C5orf34: variants seen among roughly 807,000 people sequenced by gnomAD.
C5orf34 encodes the protein uncharacterized protein C5orf34.
Under a neutral mutation model 78.4 loss-of-function variants are expected in C5orf34, and 73 were observed. The observed-to-expected ratio is 0.93, with a 90% CI of 0.77 to 1.13. C5orf34 has a LOEUF of 1.13. Among genes scored for constraint, C5orf34 ranks in the 50% most tolerant of loss-of-function variants. The pLI is 0.00. For synonymous variants in C5orf34, 251 were observed against 246.6 expected (o/e 1.02, Z -0.17); for missense variants, 730 against 732.7 (o/e 1.00, Z 0.04).
chr5:43,494,634 A>G (rs1205145047), intron 6 of C5orf34, 33 bp from the exon 7 acceptor site: 4 of 1,418,884 alleles, frequency 2.8e-6, no homozygotes, highest in East Asian at 2.4e-5. Flanking sequence ...AATTTCATTA[A>G]TAATAAATTT....
intron 5 of C5orf34, 46 bp from the exon 6 acceptor site, chr5:43,502,541 T>A: frequency 8.7e-7 from 1 of 1,150,858 alleles, no homozygotes; most frequent in Non-Finnish European, 1.3e-6. Flanking sequence ...CACTTGAGAT[T>A]AAAACATGCA....
rs2112256583 is a variant in C5orf34 at position 43,486,992 on chromosome 5, T to C, written c.1840A>G (p.Arg614Gly). 6.3e-7 allele frequency: 1 copy of C among 1,590,772 alleles called. No individual in the cohort carries two copies. Among genetic ancestry groups the C allele is most frequent in the Non-Finnish European group, 8.6e-7 (1 of 1,167,864 alleles). ...ETLLGEVNEN[R>G]VSIALKKTSE... is the part of the protein sequence containing the mutation. ...GTTTTTTTCAATGCTATTGATACTC[T>C]ATTTTCATTAACTTCTCCTAGCAAG... The change falls in exon 13 of 13, where the codon AGA becomes GGA. Residue 614 changes from arginine to glycine, a missense_variant. Coordinates refer to ENST00000306862, the MANE Select transcript of C5orf34 (RefSeq NM_198566.4).
chr5:43,505,674 A>T, intron 4 of C5orf34, 74 bp downstream of exon 4: 1 of 1,436,870 alleles, frequency 7.0e-7, no homozygotes, highest in Non-Finnish European at 9.2e-7. Flanking sequence ...ATGGTATCAG[A>T]TAAAAAGAAA....
chr5:43,496,177 G>C (rs1745509532), intron 6 of C5orf34: 1 of 1,539,582 alleles, frequency 6.5e-7, no homozygotes, highest in Non-Finnish European at 8.9e-7. Flanking sequence ...TCTGAGTCCT[G>C]GGGCATCAAT....
chr5:43,490,834 A>G (rs1579853885), intron 10 of C5orf34, 105 bp from the exon 11 acceptor site: 2 of 617,834 alleles, frequency 3.2e-6, no homozygotes, highest in East Asian at 3.1e-5. Context: ...AAGGATAAAG[A>G]AAAAATGTTA....
chr5:43,495,099 C>A, intron 6 of C5orf34: 1 of 1,541,980 alleles, frequency 6.5e-7, no homozygotes, highest in Non-Finnish European at 9.0e-7. Flanking sequence ...GCTGTCTGGG[C>A]AGACTTCGTG....
chr5:43,497,028 A>G (rs1745559664), intron 6 of C5orf34, among the ~76,000 whole-genome samples: 1 of 152,348 alleles, frequency 6.6e-6, no homozygotes, highest in Admixed American at 6.5e-5. Context: ...AGATTTAAAA[A>G]AACTATTTTA....
At chr5:43,514,629 G>A (rs1029046889) in intron 1 of C5orf34, among the ~76,000 whole-genome samples, 177 bp downstream of exon 1, 1 of 152,110 alleles carries the variant, frequency 6.6e-6, no homozygotes, top group African/African-American at 2.4e-5. Context: ...CATCTCTACA[G>A]TCTCATTCCC....
Position 43,506,174 on chromosome 5 carries a change from G to A in C5orf34, c.506C>T (p.Pro169Leu). Residue 169 changes from proline to leucine, a missense_variant, in exon 4 of 13, where the codon CCA becomes CTA. By Grantham distance (98) the Pro-to-Leu change is moderately conservative. Coordinates refer to ENST00000306862, the MANE Select transcript of C5orf34 (RefSeq NM_198566.4). The part of the protein sequence containing the change: ...AVLSETNNKA[P>L]KDKLVEKTGK... ...AGTTTTTTCAACTAGTTTATCTTTT[G>A]GGGCTTTATTATTTGTTTCTGACAA... 1 of 1,614,100 alleles carries A rather than the reference G, an allele frequency of 6.2e-7. No individual in the cohort carries two copies. Among genetic ancestry groups the A allele is most frequent in the Non-Finnish European group, 8.5e-7 (1 of 1,180,014 alleles).
rs1488936389 is a variant in C5orf34 at position 43,509,381 on chromosome 5, T to C, written c.-36-6A>G. 6.7e-7 allele frequency: 1 copy of C among 1,485,584 alleles called. No individual in the cohort carries two copies. The highest frequency in any genetic ancestry group is 9.1e-7 in the Non-Finnish European group (1 of 1,098,308). The allele number at this position is 1,485,584 out of a possible 1,614,324, so 92.0% of individuals were successfully genotyped here. On this transcript the variant is annotated splice_polypyrimidine_tract_variant and splice_region_variant and intron_variant, in intron 1 of 12. Coordinates refer to ENST00000306862, the MANE Select transcript of C5orf34 (RefSeq NM_198566.4). ...GATATCTTCTAAGTCAAAGACTGAA[T>C]GAAATAGGAAAAACAACAGCATAAA... is the stretch of plus-strand genomic sequence containing the variant.
At chr5:43,511,638 G>C (rs537542016) in intron 1 of C5orf34, among the ~76,000 whole-genome samples, 1 of 152,218 alleles carries the variant, frequency 6.6e-6, no homozygotes, top group Non-Finnish European at 1.5e-5. Context: ...TGCTGTGTCC[G>C]TGTAGAAAGA....
rs144073578 is a variant in C5orf34, at chr5:43,496,683, A to C, written c.1153-2082T>G. Among the ~76,000 whole-genome samples, 61 of 149,326 alleles carry C rather than the reference A, an allele frequency of 4.1e-4. 2 individuals are homozygous for C. The highest frequency in any genetic ancestry group is 1.3e-3 in the African/African-American group (52 of 39,996). The stretch of plus-strand genomic sequence containing the variant: ...CAGCTCACTGCAGCCTCTGTGGCTC[A>C]AGGAGTCTTCCCACCTCAGCCTCCC... On this transcript the variant is annotated intron_variant, in intron 6 of 12. Transcript: ENST00000306862.
chr5:43,502,288 C>G, intron 6 of C5orf34, 84 bp downstream of exon 6: 1 of 1,418,684 alleles, frequency 7.0e-7, no homozygotes, highest in Non-Finnish European at 9.8e-7. Context: ...TATATAATGA[C>G]CAAATTTCCC....
chr5:43,490,296 A>T (rs1290699714), intron 11 of C5orf34: 1 of 178,106 alleles, frequency 5.6e-6, no homozygotes, highest in Admixed American at 6.1e-5. Flanking sequence ...ATTTCCTTCA[A>T]CATTACTAAA....
chr5:43,503,356 G>A (rs1175916807), intron 5 of C5orf34, among the ~76,000 whole-genome samples: 2 of 152,194 alleles, frequency 1.3e-5, no homozygotes, highest in Non-Finnish European at 2.9e-5. Flanking sequence ...ATCCTCCAAT[G>A]CTTGGAAGGA....
chr5:43,488,227 C>T, intron 11 of C5orf34: 1 of 435,538 alleles, frequency 2.3e-6, no homozygotes, highest in Non-Finnish European at 4.1e-6. Context: ...ATGGGCCTTC[C>T]TGTTACTTCT....
At chr5:43,501,276 T>C (rs1343993050) in intron 6 of C5orf34, among the ~76,000 whole-genome samples, 1 of 152,176 alleles carries the variant, frequency 6.6e-6, no homozygotes, top group East Asian at 1.9e-4. Flanking sequence ...TAAACACACA[T>C]ACACACATAT....
intron 2 of C5orf34, among the ~76,000 whole-genome samples, 164 bp downstream of exon 2, chr5:43,508,981 A>G (rs752042347): frequency 2.0e-5 from 3 of 152,156 alleles, no homozygotes; most frequent in Admixed American, 6.5e-5. Context: ...GTAGTCCTAG[A>G]GTAACTCCCT....
At position 43,513,211 on chromosome 5, in the gene C5orf34, T is replaced by G. The variant is rs536688068; in HGVS notation, c.-37+1595A>C. On this transcript the variant is annotated intron_variant, in intron 1 of 12. Coordinates refer to ENST00000306862, the MANE Select transcript of C5orf34 (RefSeq NM_198566.4). The stretch of plus-strand genomic sequence containing the variant: ...AACCACATGGTCTCTCCTGAGGAGA[T>G]TCACACACTTTTAATTATTTTCTTT... Among the ~76,000 whole-genome samples, 8 of 152,252 alleles carry G rather than the reference T, an allele frequency of 5.3e-5. No homozygotes were observed. The South Asian group carries it at 1.7e-3, about 32-fold the overall frequency.
Sources: gnomAD v4.1 joint callset for allele counts (sites outside exome capture counted in the v4.1 genomes callset) on GRCh38, gnomAD v4.1.1 for gene constraint, MANE v1.5 for transcripts, NCBI Gene and HGNC (gene_info 2026-07-23, HGNC 2026-07-21) for gene names.